CUBN: variants seen among roughly 807,000 people sequenced by gnomAD.
CUBN encodes the protein 460 kDa receptor.
In CUBN, 282 loss-of-function variants were observed where a neutral mutation model predicts 405.3. The ratio of observed to expected loss-of-function variants is 0.70; its 90% CI spans 0.63 to 0.77. CUBN has a LOEUF of 0.77. Among genes scored for constraint, CUBN ranks in the 30% least tolerant of loss-of-function variants. CUBN has a pLI of 0.00. For synonymous variants in CUBN, 1,684 were observed against 1,617.0 expected, an observed-to-expected ratio of 1.04 and a Z score of -0.99; for missense variants, 4,514 against 4,475.2, an observed-to-expected ratio of 1.01 and a Z score of -0.25.
At chr10:16,847,650 C>G (rs1463673946) in intron 60 of CUBN, among the ~76,000 whole-genome samples, 3 of 152,140 alleles carry the variant, frequency 2.0e-5, no homozygotes, top group Non-Finnish European at 4.4e-5. Flanking sequence ...CAGGGCCTGG[C>G]ACATACCCTT....
chr10:17,010,719 A>C (rs1302160935), intron 28 of CUBN, among the ~76,000 whole-genome samples: 1 of 152,214 alleles, frequency 6.6e-6, no homozygotes, highest in Non-Finnish European at 1.5e-5. Flanking sequence ...CTTAGTTATC[A>C]CAACTCATTT....
intron 31 of CUBN, among the ~76,000 whole-genome samples, chr10:16,964,422 A>G (rs1403297486): frequency 6.6e-6 from 1 of 152,178 alleles, no homozygotes; most frequent in Non-Finnish European, 1.5e-5. Flanking sequence ...ATACAAAATT[A>G]TATATAATAT....
At chr10:16,951,180 G>A (rs2131627454) in intron 33 of CUBN, among the ~76,000 whole-genome samples, 1 of 152,268 alleles carries the variant, frequency 6.6e-6, no homozygotes, top group East Asian at 1.9e-4. Context: ...TCAGTTCAAG[G>A]GAGGGGGCTT....
Position 16,925,704 on chromosome 10 carries a change from G to A in CUBN, c.6342C>T (p.Ser2114=). The part of the protein sequence containing the change: ...TSPKYPETYP[S]NLNCSWHVLV... ...GGACGTGCCAAGAACAGTTGAGGTT[G>A]GATGGGTAAGTCTCTGGATACTTGG... The change falls in exon 42 of 67, where the codon TCC becomes TCT. Residue 2114 remains serine, a synonymous_variant. Coordinates refer to ENST00000377833, the MANE Select transcript of CUBN (RefSeq NM_001081.4). The A allele has an allele frequency of 6.2e-7, 1 of 1,614,044 alleles. No homozygotes were observed. Among genetic ancestry groups the A allele is most frequent in the Non-Finnish European group, 8.5e-7 (1 of 1,179,962 alleles).
At chr10:16,988,687 AT>A (rs1291255603) in intron 29 of CUBN, among the ~76,000 whole-genome samples, 2 of 152,120 alleles carry the variant, frequency 1.3e-5, no homozygotes, top group African/African-American at 4.8e-5. Context: ...TTGTTTTATA[AT>A]TAAAGTTTTT....
chr10:17,111,956 G>A lies in CUBN; in HGVS notation c.884-906C>T, dbSNP rs1177734207. On this transcript the variant is annotated intron_variant, in intron 8 of 66. Coordinates refer to ENST00000377833, the MANE Select transcript of CUBN (RefSeq NM_001081.4). Reference sequence around the variant, plus strand: ...CTGTTAAAATCATATGGAGGATTGGGCTCATACTCCTAATTTGGGGAAAGA... The same window carrying A: ...CTGTTAAAATCATATGGAGGATTGGACTCATACTCCTAATTTGGGGAAAGA... 2.6e-5 allele frequency among the ~76,000 whole-genome samples: 4 copies of A among 152,172 alleles called. No homozygotes were observed. The East Asian group carries it at 7.7e-4, about 29-fold the overall frequency.
chr10:16,847,036 C>A (rs1268748878), intron 60 of CUBN, among the ~76,000 whole-genome samples: 1 of 152,126 alleles, frequency 6.6e-6, no homozygotes, highest in Non-Finnish European at 1.5e-5. Context: ...CTCTAGAAAG[C>A]CTTTCCTAGC....
At position 17,015,998 on chromosome 10, in the gene CUBN, A is replaced by G. The variant is rs371092958; in HGVS notation, c.4168+3835T>C. Among the ~76,000 whole-genome samples the G allele has an allele frequency of 1.2e-4, 18 of 152,098 alleles. 2 individuals are homozygous for G. The highest frequency in any genetic ancestry group is 2.6e-4 in the Admixed American group (4 of 15,272). On this transcript the variant is annotated intron_variant, in intron 28 of 66. Coordinates refer to ENST00000377833, the MANE Select transcript of CUBN (RefSeq NM_001081.4). ...ATCCCTATTATAGAACACCGAGGTT[A>G]CCAGGTTTAATAATGCCTCCAGATT...
At position 16,860,500 on chromosome 10, in the gene CUBN, C is replaced by T. The variant is rs990184887; in HGVS notation, c.9455-9057G>A. On this transcript the variant is annotated intron_variant, in intron 59 of 66. Coordinates refer to ENST00000377833, the MANE Select transcript of CUBN (RefSeq NM_001081.4). ...TTCAAAATAAAAAAGAGCAAAACTC[C>T]AGCCAAGATGTTTCTACTGAGCTTC... 6.6e-5 allele frequency among the ~76,000 whole-genome samples: 10 copies of T among 152,256 alleles called. No individual in the cohort carries two copies. In the East Asian group the frequency reaches 1.9e-3, roughly 29 times the overall value.
chr10:17,094,119 T>C (rs1382576286), intron 14 of CUBN, among the ~76,000 whole-genome samples: 1 of 151,966 alleles, frequency 6.6e-6, no homozygotes, highest in African/African-American at 2.4e-5. Flanking sequence ...AGATACGCCA[T>C]AATCAAGTTG....
chr10:17,050,199 A>AT (rs955165635), intron 22 of CUBN, among the ~76,000 whole-genome samples: 1 of 151,772 alleles, frequency 6.6e-6, no homozygotes, highest in Non-Finnish European at 1.5e-5. Flanking sequence ...GTTCTTTAAT[A>AT]TTTTTTTAAT....
chr10:17,094,175 A>G (rs549389002), intron 14 of CUBN, among the ~76,000 whole-genome samples: 51 of 152,188 alleles, frequency 3.4e-4, no homozygotes, highest in African/African-American at 1.1e-3. Context: ...GAGGGTGGAG[A>G]AAAAGACACA....
intron 40 of CUBN, among the ~76,000 whole-genome samples, chr10:16,928,532 C>CCCCT (rs1403918589): frequency 4.1e-3 from 435 of 107,086 alleles, no homozygotes; most frequent in African/African-American, 5.6e-3. Flanking sequence ...CCACCCCCCC[C>CCCCT]TTTTTTTTTT....
intron 31 of CUBN, among the ~76,000 whole-genome samples, chr10:16,976,665 G>A (rs1247545188): frequency 1.3e-5 from 2 of 151,858 alleles, no homozygotes; most frequent in African/African-American, 4.8e-5. Flanking sequence ...TTTTCCTTGT[G>A]AGACTCCAAT....
In CUBN at chr10:16,890,417, C is replaced by A. The variant is rs1046792367; in HGVS notation, c.8709G>T (p.Gln2903His). ...AGCCCTGAGCTGGTGCCTCCTGAGA[C>A]TGGAAGACGGCAGTGAATGTGTTAC... is the stretch of plus-strand genomic sequence containing the variant. ...TPSNTFTAVFQSQEAPAQGFS... is the reference protein window; with the variant it reads ...TPSNTFTAVFHSQEAPAQGFS... The change falls in exon 55 of 67, where the codon CAG becomes CAT. Residue 2903 changes from glutamine (Q) to histidine (H), a missense_variant. By Grantham distance (24) the Gln-to-His change is conservative (BLOSUM62 0). This residue lies in a region of CUBN where 1,186 missense variants were observed against 1,186.9 expected (regional missense o/e 1.00). Transcript: ENST00000377833. The A allele has an allele frequency of 1.9e-6, 3 of 1,614,034 alleles. No homozygotes were observed. Among genetic ancestry groups the A allele is most frequent in the Non-Finnish European group, 2.5e-6 (3 of 1,180,032 alleles).
chr10:16,939,656 C>A (rs1039201722), intron 37 of CUBN, among the ~76,000 whole-genome samples: 5 of 152,070 alleles, frequency 3.3e-5, no homozygotes, highest in South Asian at 2.1e-4. Flanking sequence ...CAAAGTAATA[C>A]TAAATGTCTT....
At position 17,103,071 on chromosome 10, in the gene CUBN, C is replaced by T; in HGVS notation, c.1530+54G>A. ...TATGTAATAAAATATACACATACTCCATATTTATATATACAAATATAATAT... is the reference window on the plus strand; with the variant it reads ...TATGTAATAAAATATACACATACTCTATATTTATATATACAAATATAATAT... On this transcript the variant is annotated intron_variant, in intron 13 of 66. Transcript: ENST00000377833. 3 of 945,620 alleles carry T rather than the reference C, an allele frequency of 3.2e-6. No individual in the cohort carries two copies. In the East Asian group the frequency reaches 7.8e-5, roughly 25 times the overall value. The allele number at this position is 945,620 out of a possible 1,614,324, so 58.6% of individuals were successfully genotyped here. A position where few individuals can be genotyped will look rare whatever the true frequency, so the allele number is the denominator to read the frequency against.
chr10:16,961,367 T>C (rs1295417216), intron 31 of CUBN, among the ~76,000 whole-genome samples: 1 of 151,896 alleles, frequency 6.6e-6, no homozygotes, highest in Non-Finnish European at 1.5e-5. Flanking sequence ...TGCCCGGCCT[T>C]AATTTTCATA....
At chr10:16,989,048 T>C (rs1833507418) in intron 29 of CUBN, among the ~76,000 whole-genome samples, 1 of 152,158 alleles carries the variant, frequency 6.6e-6, no homozygotes, top group African/African-American at 2.4e-5. Flanking sequence ...CTATTGAGTG[T>C]TTACTCTTTG....
Sources: gnomAD v4.1 joint callset for allele counts (sites outside exome capture counted in the v4.1 genomes callset) on GRCh38, gnomAD v4.1.1 for gene constraint, gnomAD v4.1.1 regional missense constraint, MANE v1.5 for transcripts, NCBI Gene and HGNC (gene_info 2026-07-23, HGNC 2026-07-21) for gene names.